PLEKHA5: variants seen among roughly 807,000 people sequenced by gnomAD.
PLEKHA5 encodes pleckstrin homology domain containing A5.
A neutral mutation model predicts 181.9 loss-of-function variants in PLEKHA5; 55 were observed. The observed-to-expected ratio is 0.30, with a 90% CI of 0.24 to 0.38. The LOEUF (loss-of-function observed/expected upper bound fraction) is 0.38, where lower values mean the gene tolerates loss of function less well. PLEKHA5 is among the 10% of genes least tolerant of loss of function. The pLI is 1.00. For synonymous variants in PLEKHA5, 535 were observed against 529.4 expected (o/e 1.01, Z -0.15); for missense variants, 1,432 against 1,549.5 (o/e 0.92, Z 1.27).
intron 25 of PLEKHA5, 80 bp from the exon 26 acceptor site, chr12:19,353,804 G>C: frequency 2.7e-6 from 2 of 754,714 alleles, no homozygotes; most frequent in Non-Finnish European, 2.3e-6. Flanking sequence ...TTTAAAAAGT[G>C]TCAGAAATTA....
chr12:19,329,219 T>C (rs774304587), intron 20 of PLEKHA5, among the ~76,000 whole-genome samples: 1 of 152,224 alleles, frequency 6.6e-6, no homozygotes, highest in Non-Finnish European at 1.5e-5. Context: ...CTTTTTGATA[T>C]GCCACTGAAT....
intron 3 of PLEKHA5, chr12:19,205,272 C>G (rs1479404947): frequency 4.5e-6 from 2 of 443,080 alleles, no homozygotes; most frequent in Non-Finnish European, 6.0e-6. Flanking sequence ...ATATGAAGTA[C>G]TTACTCTTGG....
At chr12:19,361,185 GT>G (rs1332664237) in intron 28 of PLEKHA5, among the ~76,000 whole-genome samples, 1 of 151,624 alleles carries the variant, frequency 6.6e-6, no homozygotes, top group Non-Finnish European at 1.5e-5. Flanking sequence ...TTATTTTTTT[GT>G]TTGTTTGTTT....
chr12:19,362,061 C>T (rs947050328), intron 29 of PLEKHA5, among the ~76,000 whole-genome samples: 6 of 147,188 alleles, frequency 4.1e-5, no homozygotes, highest in Non-Finnish European at 7.4e-5. Context: ...AGTCTGTACT[C>T]GGAGGCTGAG....
intron 3 of PLEKHA5, among the ~76,000 whole-genome samples, chr12:19,215,465 CAT>C (rs567369014): frequency 2.6e-4 from 39 of 152,252 alleles, no homozygotes; most frequent in Middle Eastern, 3.4e-3. Context: ...ATTTTATCCT[CAT>C]GTGTGTGGAG....
At chr12:19,268,089 AAG>A (rs377598231) in intron 8 of PLEKHA5, among the ~76,000 whole-genome samples, 27 of 152,328 alleles carry the variant, frequency 1.8e-4, no homozygotes, top group African/African-American at 6.5e-4. Flanking sequence ...ACCTAAGGAT[AAG>A]AGGGGAGTAT....
chr12:19,153,330 C>T (rs757587375), intron 3 of PLEKHA5: 1 of 152,002 alleles, frequency 6.6e-6, no homozygotes, highest in African/African-American at 2.4e-5. Context: ...CAGTGAATTC[C>T]ATGAATTGCA....
chr12:19,293,790 A>AATCACTTTCCCACATCGAGATTGTG (rs1426058095), intron 15 of PLEKHA5, among the ~76,000 whole-genome samples: 1 of 152,158 alleles, frequency 6.6e-6, no homozygotes, highest in African/African-American at 2.4e-5. Context: ...GCCCTTCCTC[A>AATCACTTTCCCACATCGAGATTGTG]ATCACTTTCC....
At chr12:19,201,147 CAATAAT>C (rs2152070767) in intron 3 of PLEKHA5, 1 of 151,988 alleles carries the variant, frequency 6.6e-6, no homozygotes, top group Non-Finnish European at 1.5e-5. Context: ...TTTTACAACT[CAATAAT>C]AACAAGACAA....
intron 29 of PLEKHA5, among the ~76,000 whole-genome samples, chr12:19,362,970 T>G (rs891672273): frequency 1.3e-5 from 2 of 150,306 alleles, no homozygotes; most frequent in African/African-American, 2.4e-5. Flanking sequence ...TATAAGGGAC[T>G]GGAGCATCTG....
At chr12:19,363,609 A>G (rs1008826112) in intron 29 of PLEKHA5, among the ~76,000 whole-genome samples, 4 of 151,644 alleles carry the variant, frequency 2.6e-5, no homozygotes, top group African/African-American at 9.7e-5. Context: ...CTCCTGCCTC[A>G]GCCTCCCAAG....
At chr12:19,332,668 A>G (rs1437787393) in intron 20 of PLEKHA5, among the ~76,000 whole-genome samples, 1 of 152,076 alleles carries the variant, frequency 6.6e-6, no homozygotes, top group Non-Finnish European at 1.5e-5. Flanking sequence ...AGTTTTGCCT[A>G]TTTTTGAACT....
At chr12:19,283,216 C>T (rs991397615) in intron 11 of PLEKHA5, 64 bp from the exon 12 acceptor site, 2 of 859,694 alleles carry the variant, frequency 2.3e-6, no homozygotes, top group Non-Finnish European at 3.5e-6. Flanking sequence ...GAAATGTACT[C>T]TAATTTAGAA....
intron 3 of PLEKHA5, among the ~76,000 whole-genome samples, chr12:19,245,304 TTATAA>T (rs1264953577): frequency 1.3e-5 from 2 of 152,202 alleles, no homozygotes; most frequent in Non-Finnish European, 2.9e-5. Context: ...TTCCTTGCTA[TTATAA>T]TATAACTGCA....
intron 3 of PLEKHA5, among the ~76,000 whole-genome samples, chr12:19,143,649 G>A (rs2038077836): frequency 6.6e-6 from 1 of 151,930 alleles, no homozygotes; most frequent in Admixed American, 6.6e-5. Context: ...TATGTATGCG[G>A]CACATATGCA....
At chr12:19,183,963 C>T (rs1391465229) in intron 3 of PLEKHA5, among the ~76,000 whole-genome samples, 1 of 152,056 alleles carries the variant, frequency 6.6e-6, no homozygotes, top group African/African-American at 2.4e-5. Context: ...TATCCACCTG[C>T]CTTAGCCTCC....
intron 3 of PLEKHA5, among the ~76,000 whole-genome samples, chr12:19,136,377 A>G (rs1267029959): frequency 1.3e-5 from 2 of 152,220 alleles, no homozygotes; most frequent in Admixed American, 1.3e-4. Flanking sequence ...TTTATGAAGA[A>G]TGCTGAAAAT....
At chr12:19,291,725 T>C (rs1233206826) in intron 15 of PLEKHA5, 28 bp downstream of exon 15, 2 of 1,188,050 alleles carry the variant, frequency 1.7e-6, no homozygotes, top group South Asian at 1.4e-5. Context: ...TTTCTTACTT[T>C]TAATACTTAA....
At chr12:19,343,476 T>C in intron 22 of PLEKHA5, 42 bp downstream of exon 22, 1 of 1,090,866 alleles carries the variant, frequency 9.2e-7, no homozygotes, top group African/African-American at 1.6e-5. Context: ...GACCACAGTA[T>C]TACAGTCATG....
Sources: gnomAD v4.1 joint callset for allele counts (sites outside exome capture counted in the v4.1 genomes callset) on GRCh38, gnomAD v4.1.1 for gene constraint, MANE v1.5 for transcripts, NCBI Gene and HGNC (gene_info 2026-07-23, HGNC 2026-07-21) for gene names.